Variants in USP22 observed in about 807,000 individuals in gnomAD.
USP22 encodes ubiquitin carboxyl-terminal hydrolase 22.
USP22 carries 22 observed loss-of-function variants against 68.1 expected under a neutral mutation model. The observed-to-expected ratio is 0.32, with a 90% CI of 0.23 to 0.46. The LOEUF is 0.46. Ranked by LOEUF, USP22 falls within the 20% of genes least tolerant of loss-of-function variation. USP22 has a pLI of 1.00. For missense variants in USP22, 433 were observed against 695.8 expected (o/e 0.62, Z 4.25); for synonymous variants, 279 against 274.2 (o/e 1.02, Z -0.17).
intron 8 of USP22, among the ~76,000 whole-genome samples, 159 bp from the exon 9 acceptor site, chr17:21,008,155 T>A (rs1349342286): frequency 6.6e-6 from 1 of 152,244 alleles, no homozygotes. Context: ...GAAAATGTTG[T>A]CCACCTTTGC....
chr17:21,020,614 C>T (rs906095590), intron 3 of USP22, among the ~76,000 whole-genome samples: 10 of 152,154 alleles, frequency 6.6e-5, no homozygotes, highest in Middle Eastern at 3.2e-3. Flanking sequence ...CAACTTGATC[C>T]GAAAATAGTC....
intron 8 of USP22, among the ~76,000 whole-genome samples, chr17:21,008,925 G>C (rs62056832): frequency 6.6e-6 from 1 of 151,610 alleles, no homozygotes; most frequent in African/African-American, 2.4e-5. Flanking sequence ...AATTCCGTCT[G>C]TACTAAAAAT....
chr17:21,008,566 C>T (rs980416488), intron 8 of USP22, among the ~76,000 whole-genome samples: 3 of 151,970 alleles, frequency 2.0e-5, no homozygotes, highest in South Asian at 2.1e-4. Context: ...AATTGTCAGG[C>T]GTATGGAAAT....
chr17:21,035,480 T>G (rs901242285), intron 1 of USP22, among the ~76,000 whole-genome samples: 1 of 150,720 alleles, frequency 6.6e-6, no homozygotes, highest in African/African-American at 2.4e-5. Context: ...AAAGCCTTAA[T>G]AGGAGACCCT....
intron 1 of USP22, among the ~76,000 whole-genome samples, chr17:21,037,670 C>CA (rs746740160): frequency 2.0e-5 from 3 of 152,170 alleles, no homozygotes; most frequent in Non-Finnish European, 4.4e-5. Flanking sequence ...CGTGAAGACT[C>CA]AAAGTAATGT....
chr17:21,042,650 G>A lies in USP22; in HGVS notation c.171+15C>T. On this transcript the variant is annotated intron_variant, in intron 1 of 12. Coordinates refer to ENST00000261497, the MANE Select transcript of USP22 (RefSeq NM_015276.2). ...AAGGCCCCGAGCCCGCCGCGCGGTG[G>A]GCTGCCGGGCGCACCTTGCGCTTGC... is the stretch of plus-strand genomic sequence containing the variant. The A allele has an allele frequency of 7.9e-7, 1 of 1,261,378 alleles. No individual in the cohort carries two copies. The allele number at this position is 1,261,378 out of a possible 1,614,324, so 78.1% of individuals were successfully genotyped here.
Position 21,042,944 on chromosome 17 carries a change from G to T in USP22, c.-109C>A, listed in dbSNP as rs901222257. On this transcript the variant is annotated 5_prime_UTR_variant, in exon 1 of 13. Coordinates refer to ENST00000261497, the MANE Select transcript of USP22 (RefSeq NM_015276.2). ...GCTGGCCAGGCTGGCCAAGGCCCGGGCGCCGAGAACAAAGCGCGGAGGCCG... is the reference window on the plus strand; with the variant it reads ...GCTGGCCAGGCTGGCCAAGGCCCGGTCGCCGAGAACAAAGCGCGGAGGCCG... The T allele has an allele frequency of 7.0e-6, 5 of 712,666 alleles. No homozygotes were observed. The African/African-American group carries it at 9.3e-5, about 13-fold the overall frequency. The allele number at this position is 712,666 out of a possible 1,614,324, so 44.1% of individuals were successfully genotyped here. A position where few individuals can be genotyped will look rare whatever the true frequency, so the allele number is the denominator to read the frequency against.
intron 7 of USP22, 108 bp downstream of exon 7, chr17:21,012,722 A>G (rs4985962): frequency 0.77 from 770,824 of 1,002,246 alleles, 299,746 homozygotes; most frequent in South Asian, 0.83. Context: ...CATTTATCTC[A>G]TAGCCTCCTT....
intron 1 of USP22, among the ~76,000 whole-genome samples, chr17:21,038,917 G>A (rs1177757552): frequency 6.6e-6 from 1 of 151,936 alleles, no homozygotes. Flanking sequence ...CAAAGGAGAC[G>A]CCACTGTGGT....
intron 12 of USP22, among the ~76,000 whole-genome samples, chr17:21,003,883 A>G (rs1913681705): frequency 6.7e-6 from 1 of 149,768 alleles, no homozygotes; most frequent in African/African-American, 2.5e-5. Context: ...CTGGGCAACA[A>G]GAGCGAAACT....
chr17:21,032,650 G>GA, intron 1 of USP22, among the ~76,000 whole-genome samples: 1 of 152,170 alleles, frequency 6.6e-6, no homozygotes, highest in Middle Eastern at 3.2e-3. Context: ...CTGTAAAGTA[G>GA]AAAACACAGC....
intron 2 of USP22, among the ~76,000 whole-genome samples, chr17:21,024,161 C>G (rs375872017): frequency 1.3e-5 from 2 of 152,276 alleles, no homozygotes; most frequent in Admixed American, 6.5e-5. Context: ...TTGCCACTTC[C>G]TGTTCATCAG....
At chr17:21,009,462 G>A (rs1390925356) in intron 8 of USP22, among the ~76,000 whole-genome samples, 2 of 64,094 alleles carry the variant, frequency 3.1e-5, no homozygotes, top group African/African-American at 9.8e-5. Context: ...ATACAAAGTG[G>A]GGACCCGGGT....
chr17:21,032,300 A>C, intron 1 of USP22, among the ~76,000 whole-genome samples: 1 of 152,212 alleles, frequency 6.6e-6, no homozygotes. Flanking sequence ...TGCATTTCTC[A>C]GAATGTATCC....
intron 2 of USP22, among the ~76,000 whole-genome samples, chr17:21,027,387 G>C (rs1347827570): frequency 1.3e-5 from 2 of 151,350 alleles, no homozygotes; most frequent in Non-Finnish European, 2.9e-5. Context: ...TCCTTGTAGA[G>C]AGCTGTAAGG....
intron 1 of USP22, 150 bp downstream of exon 1, chr17:21,042,515 G>A (rs928841905): frequency 1.8e-5 from 13 of 722,050 alleles, no homozygotes; most frequent in East Asian, 3.4e-5. Flanking sequence ...AAGGGGTAAA[G>A]AGAAGAGAGG....
chr17:21,027,199 G>C (rs1385300234), intron 2 of USP22, among the ~76,000 whole-genome samples: 1 of 148,624 alleles, frequency 6.7e-6, no homozygotes, highest in Non-Finnish European at 1.5e-5. Flanking sequence ...GAGGCAGAAG[G>C]ATCTCCTGAG....
At chr17:21,037,852 T>A (rs1052213198) in intron 1 of USP22, among the ~76,000 whole-genome samples, 1 of 152,226 alleles carries the variant, frequency 6.6e-6, no homozygotes, top group Non-Finnish European at 1.5e-5. Context: ...ATGTCAATAT[T>A]CTGGTGGTAA....
chr17:21,043,291 A>C (rs62058994), upstream of USP22: 39,491 of 39,680 alleles, frequency 1, 19,654 homozygotes, highest in African/African-American at 1. Flanking sequence ...CTTTATTGGT[A>C]GTAGGCCACC....
Sources: allele counts gnomAD v4.1 joint callset (sites outside exome capture counted in the v4.1 genomes callset), GRCh38; gene constraint gnomAD v4.1.1; transcripts MANE v1.5; gene names NCBI Gene and HGNC (gene_info 2026-07-23, HGNC 2026-07-21).